INTS1: variants seen among roughly 807,000 people sequenced by gnomAD.
INTS1 encodes integrator complex subunit 1.
INTS1 carries 137 observed loss-of-function variants against 241.6 expected under a neutral mutation model. The ratio of observed to expected loss-of-function variants is 0.57; its 90% CI spans 0.49 to 0.65. INTS1 has a LOEUF of 0.65. Ranked by LOEUF, INTS1 falls within the 30% of genes least tolerant of loss-of-function variation. The pLI, the probability that INTS1 is intolerant of heterozygous loss-of-function variation, is 0.00. For synonymous variants in INTS1, 1,692 were observed against 1,337.8 expected, an observed-to-expected ratio of 1.26 and a Z score of -5.78; for missense variants, 3,073 against 3,032.2, an observed-to-expected ratio of 1.01 and a Z score of -0.32.
At position 1,481,987 on chromosome 7, in the gene INTS1, G is replaced by A. The variant is rs552466410; in HGVS notation, c.3704-499C>T. 2.6e-5 allele frequency among the ~76,000 whole-genome samples: 4 copies of A among 152,150 alleles called. No homozygotes were observed. Among genetic ancestry groups the A allele is most frequent in the African/African-American group, 9.7e-5 (4 of 41,436 alleles). The stretch of plus-strand genomic sequence containing the variant: ...TGTGACTATCTTCTCTCAGTGCTCA[G>A]GGCGCTCTTGCCCCGAAGCCATCGG... On this transcript the variant is annotated intron_variant, in intron 27 of 47. Transcript: ENST00000404767. This position sits in a 1 kb window ranked among gnomAD's most constrained non-coding sequence, Gnocchi z 6.8.
At chr7:1,480,113 C>G (rs1432868021) in intron 30 of INTS1, among the ~76,000 whole-genome samples, 3 of 152,288 alleles carry the variant, frequency 2.0e-5, no homozygotes, top group Non-Finnish European at 2.9e-5. Flanking sequence ...TTGGCCTAGC[C>G]TCCATCTGAG....
chr7:1,474,724 G>A lies in INTS1; in HGVS notation c.5617C>T (p.His1873Tyr), dbSNP rs190550247. The A allele has an allele frequency of 6.4e-7, 1 of 1,561,498 alleles. No individual in the cohort carries two copies. Among genetic ancestry groups the A allele is most frequent in the African/African-American group, 1.4e-5 (1 of 73,772 alleles). Residue 1873 changes from histidine to tyrosine, a missense_variant, in exon 40 of 48, where the codon CAC (histidine) becomes TAC (tyrosine). His to Tyr is a moderately conservative substitution (Grantham distance 83). Transcript: ENST00000404767. ...CAGCACCTGAGCAGCAGCAGCGGGT[G>A]CGCCACCGCCAGCTTCCGGCAGGCC... Reference protein sequence around the residue: ...SMACRKLAVAHPLLLLRHLPM... With the variant: ...SMACRKLAVAYPLLLLRHLPM...
intron 30 of INTS1, among the ~76,000 whole-genome samples, chr7:1,480,031 A>T (rs932643692): frequency 6.6e-6 from 1 of 152,344 alleles, no homozygotes; most frequent in East Asian, 1.9e-4. Context: ...TGTACACATC[A>T]AACCGGGTGC....
chr7:1,501,188 G>C (rs1380629765), intron 3 of INTS1: 4 of 152,072 alleles, frequency 2.6e-5, no homozygotes, highest in Admixed American at 2.0e-4. Flanking sequence ...GGGAGGCTAA[G>C]GCAGGAGAAT....
chr7:1,488,253 C>G (rs1362813900), intron 18 of INTS1, among the ~76,000 whole-genome samples: 1 of 152,202 alleles, frequency 6.6e-6, no homozygotes. Flanking sequence ...CCCAGGCCAC[C>G]TCCCCTTCCA....
chr7:1,487,945 G>A lies in INTS1; in HGVS notation c.2331C>T (p.Tyr777=). 6.2e-7 allele frequency: 1 copy of A among 1,613,266 alleles called. No homozygotes were observed. Among genetic ancestry groups the A allele is most frequent in the Non-Finnish European group, 8.5e-7 (1 of 1,179,812 alleles). ...CCTCATCCGTCAGGGTGCACGGTGG[G>A]TAGGAGTAGTTGCTAGGGCCAGACG... ...MEMVMTNNYS[Y]PPCTLTDEET... The change falls in exon 19 of 48, where the codon TAC becomes TAT. Residue 777 remains tyrosine, a synonymous_variant. Transcript: ENST00000404767.
rs1425380997 is a variant in INTS1, at chr7:1,496,130, G to A, written c.1711+26C>T. Reference sequence around the variant, plus strand: ...CTGGACCCGAGACCCCCACCAAGCAGGGCCAGGCCACCCCCACATCCTTAC... The same window carrying A: ...CTGGACCCGAGACCCCCACCAAGCAAGGCCAGGCCACCCCCACATCCTTAC... On this transcript the variant is annotated intron_variant, in intron 12 of 47. Coordinates refer to ENST00000404767, the MANE Select transcript of INTS1 (RefSeq NM_001080453.3). 4 of 1,591,778 alleles carry A rather than the reference G, an allele frequency of 2.5e-6. No individual in the cohort carries two copies. In the African/African-American group the frequency reaches 4.0e-5, roughly 16 times the overall value.
At position 1,486,912 on chromosome 7, in the gene INTS1, C is replaced by A; in HGVS notation, c.2826+10G>T. On this transcript the variant is annotated intron_variant, in intron 21 of 47. Transcript: ENST00000404767. ...AGAGGCGGGGGGGCTGAGGGGTGGG[C>A]GGCCCTGACCTGCCGCTTCTTGGCC... The A allele has an allele frequency of 1.9e-6, 3 of 1,586,426 alleles. 1 individual carries two copies. Among genetic ancestry groups the A allele is most frequent in the East Asian group, 2.3e-5 (1 of 43,872 alleles).
rs1266292328 is a variant in INTS1, at chr7:1,498,846, G to A, written c.1144C>T (p.Arg382Trp). 5 of 1,603,092 alleles carry A rather than the reference G, an allele frequency of 3.1e-6. No homozygotes were observed. Among genetic ancestry groups the A allele is most frequent in the Non-Finnish European group, 3.4e-6 (4 of 1,175,668 alleles). ...GACATCAGCAGGTCCTGGGCCGGCC[G>A]GGTCAGCTGCGGGGCCGAGGAGGGA... ...EMWLQNPKLT[R>W]PAQDLLMSVC... The change falls in exon 9 of 48, where the codon CGG becomes TGG. Residue 382 changes from arginine (R) to tryptophan (W), a missense_variant. Coordinates refer to ENST00000404767, the MANE Select transcript of INTS1 (RefSeq NM_001080453.3).
rs1782327492 is a variant in INTS1 at position 1,487,450 on chromosome 7, C to CT, written c.2517-2dup. Reference sequence around the variant, plus strand: ...AGGGGGAGGCCTCCGGGGGGGCCCCCTGAGGGCCACAGGGGACACGGTGCG... The same window carrying CT: ...AGGGGGAGGCCTCCGGGGGGGCCCCCTTGAGGGCCACAGGGGACACGGTGCG... On this transcript the variant is annotated splice_acceptor_variant, in intron 19 of 47. Transcript: ENST00000404767. LOFTEE classifies it high-confidence loss of function. 1 of 1,610,564 alleles carries CT rather than the reference C, an allele frequency of 6.2e-7. No homozygotes were observed. Among genetic ancestry groups the CT allele is most frequent in the Non-Finnish European group, 8.5e-7 (1 of 1,179,238 alleles).
At chr7:1,478,930 C>A (rs78170184) in intron 31 of INTS1, 45 bp from the exon 32 acceptor site, 1 of 1,559,986 alleles carries the variant, frequency 6.4e-7, no homozygotes, top group Non-Finnish European at 8.7e-7. Flanking sequence ...AGAGGACACA[C>A]GGGGACCCGG....
At chr7:1,488,089 C>G in intron 18 of INTS1, 132 bp from the exon 19 acceptor site, 4 of 941,682 alleles carry the variant, frequency 4.2e-6, no homozygotes, top group South Asian at 3.0e-5. Context: ...GTCAGGAGCA[C>G]AGGGCGCCCG....
intron 7 of INTS1, 32 bp from the exon 8 acceptor site, chr7:1,499,193 A>G: frequency 6.2e-7 from 1 of 1,604,998 alleles, no homozygotes; most frequent in Non-Finnish European, 8.5e-7. Context: ...GGAGGGAGGA[A>G]GGTGGCCCCG....
rs776838172 is a variant in INTS1, at chr7:1,477,558, G to C, written c.4930C>G (p.Arg1644Gly). 2 of 1,522,064 alleles carry C rather than the reference G, an allele frequency of 1.3e-6. No homozygotes were observed. Among genetic ancestry groups the C allele is most frequent in the South Asian group, 2.6e-5 (2 of 77,832 alleles). 94.3% of individuals were successfully genotyped at this position (1,522,064 alleles called of 1,614,324 possible). ...PDLQLRLLFSRRKGKGQAQVP... is the reference protein window; with the variant it reads ...PDLQLRLLFSGRKGKGQAQVP... ...AGCTGGGTGCCACCCACCTTCCTCC[G>C]GGAGAAGAGCAGCCTGAGCTGCAGG... Residue 1644 changes from arginine (R) to glycine (G), a missense_variant, in exon 35 of 48, where the codon CGG becomes GGG. By Grantham distance (125) the Arg-to-Gly change is moderately radical (BLOSUM62 -2). Transcript: ENST00000404767.
intron 2 of INTS1, 84 bp from the exon 3 acceptor site, chr7:1,503,275 G>A (rs1176862309): frequency 5.7e-6 from 8 of 1,402,924 alleles, no homozygotes; most frequent in Non-Finnish European, 6.8e-6. Context: ...TGTTATGTCA[G>A]AGGGGATTAA....
At position 1,495,553 on chromosome 7, in the gene INTS1, T is replaced by C. The variant is rs761216109; in HGVS notation, c.1712A>G (p.Asn571Ser). ...GIAWDKGEKR[N>S]LEVLRSFQNQ... ...CTGGAATGAGCGGAGCACTTCCAGG[T>C]CTGAAACAGACACGCAGCTTAGTGG... The change falls in exon 13 of 48, where the codon AAC becomes AGC. Residue 571 changes from asparagine to serine, a missense_variant and splice_region_variant. Transcript: ENST00000404767. The C allele has an allele frequency of 1.9e-6, 3 of 1,609,142 alleles. No homozygotes were observed. The highest frequency in any genetic ancestry group is 2.2e-5 in the South Asian group (2 of 90,564).
chr7:1,495,670 C>T, intron 12 of INTS1, 117 bp from the exon 13 acceptor site: 1 of 1,341,862 alleles, frequency 7.5e-7, no homozygotes, highest in Non-Finnish European at 1.0e-6. Context: ...AGGGCACCCC[C>T]AGCTTCTGGA....
At chr7:1,478,260 G>A (rs1023609867) in intron 33 of INTS1, 106 bp downstream of exon 33, 2 of 1,308,004 alleles carry the variant, frequency 1.5e-6, no homozygotes, top group Non-Finnish European at 2.1e-6. Flanking sequence ...TCCGGGGACA[G>A]TGCTGAGCAG....
At chr7:1,474,679 C>A in intron 40 of INTS1, 26 bp downstream of exon 40, 1 of 1,546,910 alleles carries the variant, frequency 6.5e-7, no homozygotes, top group Non-Finnish European at 8.7e-7. Context: ...CAGTGTCTGG[C>A]GAGGGCAGGG....
Sources: allele counts gnomAD v4.1 joint callset (sites outside exome capture counted in the v4.1 genomes callset), GRCh38; gene constraint gnomAD v4.1.1; non-coding constraint Gnocchi (gnomAD v3.1); transcripts MANE v1.5; gene names NCBI Gene and HGNC (gene_info 2026-07-23, HGNC 2026-07-21).